Variants in TMCO4 observed in about 807,000 individuals in gnomAD.
The protein encoded by TMCO4 is transmembrane and coiled-coil domains 4.
A neutral mutation model predicts 64.7 loss-of-function variants in TMCO4; 58 were observed. That is an observed-to-expected ratio of 0.90 (90% CI 0.73 to 1.12). TMCO4 has a LOEUF of 1.12. Among genes scored for constraint, TMCO4 ranks in the 50% most tolerant of loss-of-function variants. The probability of loss-of-function intolerance (pLI) is 0.00; values close to 1 mark genes in which losing one functional copy is unlikely to be tolerated. For synonymous variants in TMCO4, 325 were observed against 346.1 expected, an observed-to-expected ratio of 0.94 and a Z score of 0.68; for missense variants, 780 against 825.9, an observed-to-expected ratio of 0.94 and a Z score of 0.68.
At chr1:19,704,496 C>A (rs2095292121) in intron 13 of TMCO4, among the ~76,000 whole-genome samples, 1 of 152,242 alleles carries the variant, frequency 6.6e-6, no homozygotes, top group African/African-American at 2.4e-5. Flanking sequence ...TGGGGCCTTT[C>A]TCTCTGCTGT....
intron 15 of TMCO4, 100 bp downstream of exon 15, chr1:19,694,334 C>T (rs925665966): frequency 5.2e-6 from 5 of 965,588 alleles, no homozygotes; most frequent in Non-Finnish European, 8.0e-6. Flanking sequence ...TCTCCTGTGG[C>T]GTGGACCAGG....
At chr1:19,707,061 A>C (rs575003743) in intron 13 of TMCO4, among the ~76,000 whole-genome samples, 3 of 152,314 alleles carry the variant, frequency 2.0e-5, no homozygotes, top group South Asian at 2.1e-4. Flanking sequence ...CCCATCTCTC[A>C]TGGAGTCAAA....
chr1:19,790,127 A>C (rs556213229), intron 2 of TMCO4, among the ~76,000 whole-genome samples: 1 of 152,246 alleles, frequency 6.6e-6, no homozygotes, highest in South Asian at 2.1e-4. Flanking sequence ...CCGTATGCAG[A>C]AAATTGAAAC....
chr1:19,695,371 G>A (rs1415883591), intron 14 of TMCO4, among the ~76,000 whole-genome samples: 2 of 152,228 alleles, frequency 1.3e-5, no homozygotes, highest in Non-Finnish European at 2.9e-5. Flanking sequence ...TTGGGATGCA[G>A]CTGGGCCATC....
intron 13 of TMCO4, among the ~76,000 whole-genome samples, chr1:19,714,032 G>A (rs542935401): frequency 1.3e-5 from 2 of 152,234 alleles, no homozygotes; most frequent in South Asian, 2.1e-4. Flanking sequence ...TACCTCCCAG[G>A]TTCAAGTGAC....
Position 19,683,389 on chromosome 1 carries a change from C to T in TMCO4, c.1556G>A (p.Gly519Asp). The change falls in exon 16 of 16, where the codon GGC becomes GAC. Residue 519 changes from glycine to aspartate, a missense_variant. Transcript: ENST00000294543. ...KQMDAILKAV[G>D]IRTKPGWDEK... ...GTCCCAGCCTGGCTTGGTGCGGATG[C>T]CCACGGCCTTCAGGATGGCATCCAT... The T allele has an allele frequency of 1.2e-6, 2 of 1,613,696 alleles. No homozygotes were observed. The highest frequency in any genetic ancestry group is 1.7e-6 in the Non-Finnish European group (2 of 1,180,020).
intron 2 of TMCO4, among the ~76,000 whole-genome samples, chr1:19,795,850 T>C (rs970423923): frequency 2.0e-5 from 3 of 152,376 alleles, no homozygotes; most frequent in Non-Finnish European, 4.4e-5. Flanking sequence ...AGCTCCCATC[T>C]ATCCACAGGC....
chr1:19,739,749 T>A, intron 12 of TMCO4, 75 bp downstream of exon 12: 1 of 1,557,110 alleles, frequency 6.4e-7, no homozygotes, highest in Non-Finnish European at 8.7e-7. Context: ...CCTCTAAGGC[T>A]GATATCTGTG....
intron 6 of TMCO4, among the ~76,000 whole-genome samples, chr1:19,761,441 T>A (rs1271683700): frequency 1.3e-5 from 2 of 152,228 alleles, no homozygotes; most frequent in Admixed American, 6.5e-5. Flanking sequence ...GACTTTTGGA[T>A]CCTGCCGGAA....
intron 5 of TMCO4, 93 bp from the exon 6 acceptor site, chr1:19,770,662 C>A: frequency 7.5e-7 from 1 of 1,325,512 alleles, no homozygotes; most frequent in Admixed American, 2.2e-5. Flanking sequence ...AGTGGCAGAA[C>A]AAGACAGACA....
At chr1:19,724,950 C>T (rs1314110302) in intron 13 of TMCO4, among the ~76,000 whole-genome samples, 11 of 152,034 alleles carry the variant, frequency 7.2e-5, no homozygotes, top group Admixed American at 1.3e-4. Context: ...TAAGTAGAGA[C>T]GGGGTTTCAC....
chr1:19,713,435 A>G (rs1315901780), intron 13 of TMCO4, among the ~76,000 whole-genome samples: 5 of 152,150 alleles, frequency 3.3e-5, no homozygotes, highest in Admixed American at 6.6e-5. Context: ...GAATGATGGC[A>G]GGCTGTTGGC....
chr1:19,737,512 C>T, intron 12 of TMCO4, 56 bp from the exon 13 acceptor site: 1 of 1,560,550 alleles, frequency 6.4e-7, no homozygotes, highest in Non-Finnish European at 8.8e-7. Flanking sequence ...TCTAGCAAAA[C>T]ATCAGGCCTG....
At chr1:19,758,776 C>T (rs560271173) in intron 6 of TMCO4, among the ~76,000 whole-genome samples, 18 of 152,276 alleles carry the variant, frequency 1.2e-4, no homozygotes, top group African/African-American at 4.3e-4. Context: ...GGCCAACTTG[C>T]TCCTTGAGAG....
At chr1:19,722,270 A>G (rs1445635140) in intron 13 of TMCO4, among the ~76,000 whole-genome samples, 1 of 152,170 alleles carries the variant, frequency 6.6e-6, no homozygotes, top group East Asian at 1.9e-4. Context: ...CCAGCATATC[A>G]GCCTCGATAA....
At chr1:19,755,870 T>A in intron 6 of TMCO4, 104 bp from the exon 7 acceptor site, 1 of 1,334,976 alleles carries the variant, frequency 7.5e-7, no homozygotes, top group Non-Finnish European at 1.1e-6. Flanking sequence ...AGCCTAAATG[T>A]ACAACCCCAT....
At chr1:19,786,232 G>C (rs968275352) in intron 3 of TMCO4, among the ~76,000 whole-genome samples, 2 of 152,222 alleles carry the variant, frequency 1.3e-5, no homozygotes, top group East Asian at 3.9e-4. Context: ...CCTCCAGCCT[G>C]GTGACAGAGC....
At chr1:19,685,340 A>AAAC (rs2095138355) in intron 15 of TMCO4, among the ~76,000 whole-genome samples, 2 of 151,822 alleles carry the variant, frequency 1.3e-5, no homozygotes, top group Non-Finnish European at 2.9e-5. Flanking sequence ...AAAAACAAAC[A>AAAC]GACAAAAAAC....
chr1:19,685,349 A>AGGCC (rs2095138585), intron 15 of TMCO4, among the ~76,000 whole-genome samples: 2 of 152,108 alleles, frequency 1.3e-5, no homozygotes, highest in South Asian at 2.1e-4. Context: ...CAGACAAAAA[A>AGGCC]CATTAGCAGG....
Sources: gnomAD v4.1 joint callset for allele counts (sites outside exome capture counted in the v4.1 genomes callset) on GRCh38, gnomAD v4.1.1 for gene constraint, MANE v1.5 for transcripts, NCBI Gene and HGNC (gene_info 2026-07-23, HGNC 2026-07-21) for gene names.